The following EMC9 variants were observed in gnomAD, a reference collection of about 807,000 sequenced individuals.
EMC9 encodes the protein UPF0172 protein FAM158A.
EMC9 carries 20 observed loss-of-function variants against 25.0 expected under a neutral mutation model. The observed-to-expected ratio is 0.80, with a 90% CI of 0.56 to 1.16. EMC9 has a LOEUF of 1.16. Ranked by LOEUF, EMC9 falls within the 50% of genes most tolerant of loss-of-function variation. The probability of loss-of-function intolerance (pLI) is 0.00; values close to 1 mark genes in which losing one functional copy is unlikely to be tolerated. For synonymous variants in EMC9, 100 were observed against 107.0 expected, an observed-to-expected ratio of 0.93 and a Z score of 0.40; for missense variants, 256 against 268.7, an observed-to-expected ratio of 0.95 and a Z score of 0.33.
Position 24,139,173 on chromosome 14 carries a change from T to C in EMC9, c.464A>G (p.Glu155Gly). The C allele has an allele frequency of 6.2e-7, 1 of 1,614,202 alleles. No individual in the cohort carries two copies. The highest frequency in any genetic ancestry group is 8.5e-7 in the Non-Finnish European group (1 of 1,180,034). Residue 155 changes from glutamate to glycine, a missense_variant, in exon 6 of 6, where the codon GAG becomes GGG. By Grantham distance (98) the Glu-to-Gly change is moderately conservative. Coordinates refer to ENST00000216799, the MANE Select transcript of EMC9 (RefSeq NM_016049.4). This position sits in a 1 kb window ranked among gnomAD's most constrained non-coding sequence, Gnocchi z 4.6. The part of the protein sequence containing the change: ...KNLVMWRDWE[E>G]SRQMVGALLE... ...TAGAGCTCCCACCATCTGCCGTGAC[T>C]CTTCCCAGTCCCTCCACATCACTCT... is the stretch of plus-strand genomic sequence containing the variant.
chr14:24,140,698 C>T (rs2139056713), intron 3 of EMC9, among the ~76,000 whole-genome samples, 191 bp downstream of exon 3: 1 of 152,290 alleles, frequency 6.6e-6, no homozygotes, highest in East Asian at 1.9e-4. Flanking sequence ...TCCCTCACTC[C>T]AGTACCCAGC....
At position 24,139,420 on chromosome 14, in the gene EMC9, A is replaced by G. The variant is rs1265762653; in HGVS notation, c.380T>C (p.Val127Ala). Residue 127 changes from valine to alanine, a missense_variant, in exon 5 of 6, where the codon GTG (valine) becomes GCG (alanine). By Grantham distance (64) the Val-to-Ala change is moderately conservative. Coordinates refer to ENST00000216799, the MANE Select transcript of EMC9 (RefSeq NM_016049.4). This position sits in a 1 kb window ranked among gnomAD's most constrained non-coding sequence, Gnocchi z 4.6. ...DNQKLVPQPR[V>A]PPVIVLENQG... ...GTTCTCCAGGACGATGACCGGGGGC[A>G]CACGAGGCTGAGGCACCAGTTTCTG... 1 of 1,614,086 alleles carries G rather than the reference A, an allele frequency of 6.2e-7. No homozygotes were observed. The highest frequency in any genetic ancestry group is 1.3e-5 in the African/African-American group (1 of 74,918).
Position 24,140,872 on chromosome 14 carries a change from C to T in EMC9, c.275+17G>A. 6.2e-7 allele frequency: 1 copy of T among 1,613,952 alleles called. No individual in the cohort carries two copies. The highest frequency in any genetic ancestry group is 1.1e-5 in the South Asian group (1 of 91,064). ...CCGCCATAATCCTTTCCTTCTTCCT[C>T]TGGCTACGCCACTCACCTCTGATCG... On this transcript the variant is annotated intron_variant, in intron 3 of 5. Transcript: ENST00000216799.
Position 24,139,774 on chromosome 14 carries a change from G to A in EMC9, c.276-160C>T, listed in dbSNP as rs777536823. The A allele has an allele frequency of 6.5e-7, 1 of 1,541,872 alleles. No individual in the cohort carries two copies. Among genetic ancestry groups the A allele is most frequent in the Non-Finnish European group, 8.8e-7 (1 of 1,141,520 alleles). ...CCTGCTGGATGCTTGATGCACGACT[G>A]CTTGATGCTTGAGTGCTGTGGGAGA... On this transcript the variant is annotated intron_variant, in intron 3 of 5. Transcript: ENST00000216799. The surrounding 1 kb of genome is among the most constrained non-coding windows in gnomAD (Gnocchi z 4.6).
chr14:24,140,803 C>T, intron 3 of EMC9, 86 bp downstream of exon 3: 2 of 1,381,702 alleles, frequency 1.4e-6, no homozygotes, highest in Non-Finnish European at 1.0e-6. Flanking sequence ...CCGCCCCGCC[C>T]ACCGCCCCAC....
Position 24,139,001 on chromosome 14 carries a change from G to A in EMC9, c.*9C>T. The A allele has an allele frequency of 6.2e-7, 1 of 1,612,664 alleles. No individual in the cohort carries two copies. Among genetic ancestry groups the A allele is most frequent in the Non-Finnish European group, 8.5e-7 (1 of 1,179,854 alleles). On this transcript the variant is annotated 3_prime_UTR_variant, in exon 6 of 6. Transcript: ENST00000216799. The surrounding 1 kb of genome is among the most constrained non-coding windows in gnomAD (Gnocchi z 4.6). ...CTCTTTATTGGAACCGGGCCCCGCT[G>A]GCCCTGGCTCAGGCATTTCCATTTC...
rs1337907565 is a variant in EMC9 at position 24,140,759 on chromosome 14, T to C, written c.275+130A>G. On this transcript the variant is annotated intron_variant, in intron 3 of 5. Coordinates refer to ENST00000216799, the MANE Select transcript of EMC9 (RefSeq NM_016049.4). ...TCCTAAGCGTTTGATGAAGGAAAGATAAAAGGAACGACCTTGGTTCATCTT... is the reference window on the plus strand; with the variant it reads ...TCCTAAGCGTTTGATGAAGGAAAGACAAAAGGAACGACCTTGGTTCATCTT... 5 of 973,206 alleles carry C rather than the reference T, an allele frequency of 5.1e-6. No individual in the cohort carries two copies. In the East Asian group the frequency reaches 1.0e-4, roughly 20 times the overall value. The allele number at this position is 973,206 out of a possible 1,614,324, so 60.3% of individuals were successfully genotyped here.
Position 24,139,414 on chromosome 14 carries a change from G to A in EMC9, c.386C>T (p.Pro129Leu), listed in dbSNP as rs373329454. The change falls in exon 5 of 6, where the codon CCG (proline) becomes CTG (leucine). Residue 129 changes from proline (P) to leucine (L), a missense_variant. By Grantham distance (98) the Pro-to-Leu change is moderately conservative. Coordinates refer to ENST00000216799, the MANE Select transcript of EMC9 (RefSeq NM_016049.4). This position sits in a 1 kb window ranked among gnomAD's most constrained non-coding sequence, Gnocchi z 4.6. ...ACCTTGGTTCTCCAGGACGATGACC[G>A]GGGGCACACGAGGCTGAGGCACCAG... ...QKLVPQPRVP[P>L]VIVLENQGLR... The A allele has an allele frequency of 2.9e-5, 47 of 1,613,990 alleles. No individual in the cohort carries two copies. In the African/African-American group the frequency reaches 3.2e-4, roughly 11 times the overall value.
In EMC9 at chr14:24,139,940, G is replaced by A; in HGVS notation, c.276-326C>T. 1 of 476,748 alleles carries A rather than the reference G, an allele frequency of 2.1e-6. No individual in the cohort carries two copies. Among genetic ancestry groups the A allele is most frequent in the Non-Finnish European group, 4.1e-6 (1 of 245,536 alleles). The allele number at this position is 476,748 out of a possible 1,614,324, so 29.5% of individuals were successfully genotyped here. A position where few individuals can be genotyped will look rare whatever the true frequency, so the allele number is the denominator to read the frequency against. ...AAATTCTACTTATAAAGAATTTATG[G>A]TAATCATAGGACAGTGTCTGTAATA... On this transcript the variant is annotated intron_variant, in intron 3 of 5. Coordinates refer to ENST00000216799, the MANE Select transcript of EMC9 (RefSeq NM_016049.4). This position sits in a 1 kb window ranked among gnomAD's most constrained non-coding sequence, Gnocchi z 4.6.
At position 24,140,918 on chromosome 14, in the gene EMC9, G is replaced by T. The variant is rs1269118100; in HGVS notation, c.246C>A (p.Tyr82Ter). The change falls in exon 3 of 6, where the codon TAC becomes TAA. Residue 82 changes from tyrosine to a stop codon, truncating the protein, a stop_gained. Coordinates refer to ENST00000216799, the MANE Select transcript of EMC9 (RefSeq NM_016049.4). LOFTEE classifies it high-confidence loss of function. ...GATCGTTCACAGCTGCATTGGCATGGTAGTAACCAGCCACCACCAGACCGG... is the reference window on the plus strand; with the variant it reads ...GATCGTTCACAGCTGCATTGGCATGTTAGTAACCAGCCACCACCAGACCGG... ...AQAGLVVAGY[Y>*]HANAAVNDQS... is the part of the protein sequence containing the mutation. The T allele has an allele frequency of 6.2e-7, 1 of 1,614,202 alleles. No homozygotes were observed. The highest frequency in any genetic ancestry group is 1.7e-5 in the Admixed American group (1 of 60,014).
chr14:24,139,266 G>A lies in EMC9; in HGVS notation c.441-70C>T, dbSNP rs377411623. 86 of 1,600,944 alleles carry A rather than the reference G, an allele frequency of 5.4e-5. 1 individual carries two copies. The African/African-American group carries it at 9.5e-4, about 18-fold the overall frequency. On this transcript the variant is annotated intron_variant, in intron 5 of 5. Transcript: ENST00000216799. This position sits in a 1 kb window ranked among gnomAD's most constrained non-coding sequence, Gnocchi z 4.6. The stretch of plus-strand genomic sequence containing the variant: ...CCAGACACAGACTTAACAGAGATTG[G>A]GTCTAGAGAAAGACCCTTGGGGCAG...
chr14:24,140,795 G>GCCCCCCCCCCCCCC, intron 3 of EMC9, 94 bp downstream of exon 3: 4 of 1,030,690 alleles, frequency 3.9e-6, no homozygotes, highest in Non-Finnish European at 5.9e-6. Flanking sequence ...GTGCGCCCCC[G>GCCCCCCCCCCCCCC]CCCCGCCCAC....
chr14:24,140,700 G>A (rs2038033777), intron 3 of EMC9, among the ~76,000 whole-genome samples, 189 bp downstream of exon 3: 2 of 152,054 alleles, frequency 1.3e-5, no homozygotes, highest in African/African-American at 2.4e-5. Context: ...CCTCACTCCA[G>A]TACCCAGCAT....
rs140507308 is a variant in EMC9, at chr14:24,139,026, C to T, written c.611G>A (p.Gly204Glu). The change falls in exon 6 of 6, where the codon GGA becomes GAA. Residue 204 changes from glycine (G) to glutamate (E), a missense_variant. By Grantham distance (98) the Gly-to-Glu change is moderately conservative. Coordinates refer to ENST00000216799, the MANE Select transcript of EMC9 (RefSeq NM_016049.4). The surrounding 1 kb of genome is among the most constrained non-coding windows in gnomAD (Gnocchi z 4.6). ...GGCCCTGGCTCAGGCATTTCCATTT[C>T]CATTAGTGGGACCAACCCACTGGGT... ...QITQWVGPTN[G>E]NGNA is the part of the protein sequence containing the mutation. The T allele has an allele frequency of 6.8e-3, 10,899 of 1,613,496 alleles. 82 individuals are homozygous for T. Among genetic ancestry groups the T allele is most frequent in the Non-Finnish European group, 6.6e-3 (7,769 of 1,180,022 alleles).
At position 24,139,814 on chromosome 14, in the gene EMC9, T is replaced by G. The variant is rs2038008545; in HGVS notation, c.276-200A>C. On this transcript the variant is annotated intron_variant, in intron 3 of 5. Transcript: ENST00000216799. The surrounding 1 kb of genome is among the most constrained non-coding windows in gnomAD (Gnocchi z 4.6). ...GCTGTGGGAGACAGGTGCTCAGATA[T>G]TGCTGGTGAGAGTGGAAACCAAAGG... 1 of 1,505,406 alleles carries G rather than the reference T, an allele frequency of 6.6e-7. No individual in the cohort carries two copies. Among genetic ancestry groups the G allele is most frequent in the Non-Finnish European group, 9.0e-7 (1 of 1,112,582 alleles). The allele number at this position is 1,505,406 out of a possible 1,614,324, so 93.3% of individuals were successfully genotyped here.
At position 24,141,204 on chromosome 14, in the gene EMC9, G is replaced by T; in HGVS notation, c.101C>A (p.Ala34Glu). ...GCACAGGCATTCTCCAGACCGCGGCGCTGGCGCCAAAAACAGCCCGTTGAC... is the reference window on the plus strand; with the variant it reads ...GCACAGGCATTCTCCAGACCGCGGCTCTGGCGCCAAAAACAGCCCGTTGAC... ...AAVNGLFLAP[A>E]PRSGECLCLT... The change falls in exon 2 of 6, where the codon GCG becomes GAG. Residue 34 changes from alanine to glutamate, a missense_variant. Transcript: ENST00000216799. 2.5e-6 allele frequency: 4 copies of T among 1,614,176 alleles called. No homozygotes were observed. The highest frequency in any genetic ancestry group is 3.4e-6 in the Non-Finnish European group (4 of 1,180,046).
chr14:24,141,085 G>A (rs371387805), intron 2 of EMC9, 22 bp downstream of exon 2: 26 of 1,613,970 alleles, frequency 1.6e-5, no homozygotes, highest in Middle Eastern at 1.6e-4. Flanking sequence ...CGCGGTGGGG[G>A]ATGGGCATCC....
In EMC9 at chr14:24,141,223, C is replaced by A; in HGVS notation, c.82G>T (p.Gly28Trp). ...AARYPHAAVN[G>W]LFLAPAPRSG... ...CGCGGCGCTGGCGCCAAAAACAGCC[C>A]GTTGACTGCGGCGTGTGGGTACCGG... The change falls in exon 2 of 6, where the codon GGG (glycine) becomes TGG (tryptophan). Residue 28 changes from glycine to tryptophan, a missense_variant. Physicochemically the swap from Gly to Trp is radical, Grantham distance 184. Transcript: ENST00000216799. The A allele has an allele frequency of 6.2e-7, 1 of 1,614,188 alleles. No individual in the cohort carries two copies. The highest frequency in any genetic ancestry group is 8.5e-7 in the Non-Finnish European group (1 of 1,180,042).
Position 24,139,654 on chromosome 14 carries a change from T to C in EMC9, c.276-40A>G. 1 of 1,603,286 alleles carries C rather than the reference T, an allele frequency of 6.2e-7. No homozygotes were observed. Among genetic ancestry groups the C allele is most frequent in the Non-Finnish European group, 8.5e-7 (1 of 1,174,632 alleles). ...GATCAGAGGAGTGAGGAGCCAACTG[T>C]GGGCAAAACCCATCCATTTGAGCTG... is the stretch of plus-strand genomic sequence containing the variant. On this transcript the variant is annotated intron_variant, in intron 3 of 5. Transcript: ENST00000216799. This position sits in a 1 kb window ranked among gnomAD's most constrained non-coding sequence, Gnocchi z 4.6.
Sources: gnomAD v4.1 joint callset for allele counts (sites outside exome capture counted in the v4.1 genomes callset) on GRCh38, gnomAD v4.1.1 for gene constraint, Gnocchi (gnomAD v3.1) non-coding constraint, MANE v1.5 for transcripts, NCBI Gene and HGNC (gene_info 2026-07-23, HGNC 2026-07-21) for gene names.